The following PLXNC1 variants were observed in gnomAD, a reference collection of about 807,000 sequenced individuals.
PLXNC1 encodes the protein plexin-C1.
A neutral mutation model predicts 178.2 loss-of-function variants in PLXNC1; 75 were observed. The ratio of observed to expected loss-of-function variants is 0.42; its 90% confidence interval spans 0.35 to 0.51. The LOEUF (loss-of-function observed/expected upper bound fraction) is 0.51. Ranked by LOEUF, PLXNC1 falls within the 20% of genes least tolerant of loss-of-function variation. The pLI, the probability that PLXNC1 is intolerant of heterozygous loss-of-function variation, is 0.02. For missense variants in PLXNC1, 1,503 were observed against 1,984.4 expected (o/e 0.76, Z 4.61); for synonymous variants, 790 against 779.9 (o/e 1.01, Z -0.22).
At chr12:94,172,148 C>G (rs1471658505) in intron 2 of PLXNC1, among the ~76,000 whole-genome samples, 1 of 152,204 alleles carries the variant, frequency 6.6e-6, no homozygotes, top group African/African-American at 2.4e-5. Context: ...AGCTTGGCTC[C>G]TTAAGCCACA....
chr12:94,185,331 C>G (rs565543608), intron 3 of PLXNC1, among the ~76,000 whole-genome samples: 1 of 152,270 alleles, frequency 6.6e-6, no homozygotes, highest in East Asian at 1.9e-4. Context: ...ATAGAGAGGT[C>G]CCTTCTAGAA....
At position 94,279,667 on chromosome 12, in the gene PLXNC1, C is replaced by G. The variant is rs1416968335; in HGVS notation, c.3775+18C>G. ...TGGTCTTGGTAAGGCGGTGCGGGAG[C>G]TATGTGGTCCCAGGCCCTGATGAGT... On this transcript the variant is annotated intron_variant, in intron 22 of 30. Transcript: ENST00000258526. 3.1e-6 allele frequency: 5 copies of G among 1,611,848 alleles called. No homozygotes were observed. The South Asian group carries it at 4.4e-5, about 14-fold the overall frequency.
In PLXNC1 at chr12:94,237,671, A is replaced by G. The variant is rs757255734; in HGVS notation, c.1988A>G (p.Tyr663Cys). ...NRTNQALQVFYIKSIEPQKVS... is the reference protein window; with the variant it reads ...NRTNQALQVFCIKSIEPQKVS... Reference sequence around the variant, plus strand: ...ATCTTTTCTTTCCAATAGGTCTTCTACATTAAGTCCATTGAGCCACAGAAA... The same window carrying G: ...ATCTTTTCTTTCCAATAGGTCTTCTGCATTAAGTCCATTGAGCCACAGAAA... Residue 663 changes from tyrosine (Y) to cysteine (C), a missense_variant, in exon 10 of 31, where the codon TAC becomes TGC. By Grantham distance (194) the Tyr-to-Cys change is radical (BLOSUM62 -2). Transcript: ENST00000258526. The G allele has an allele frequency of 8.1e-6, 13 of 1,613,460 alleles. No individual in the cohort carries two copies. The South Asian group carries it at 1.1e-4, about 14-fold the overall frequency.
chr12:94,306,443 C>T lies in PLXNC1; in HGVS notation c.*1158C>T, dbSNP rs968490168. ...CTTTCTTTTTAAAGAATTCTCTATC[C>T]AGTTATACTGTAGTCTTTTTAGTGC... On this transcript the variant is annotated 3_prime_UTR_variant, in exon 31 of 31. Transcript: ENST00000258526. 10 of 152,082 alleles carry T rather than the reference C, an allele frequency of 6.6e-5. No homozygotes were observed. Among genetic ancestry groups the T allele is most frequent in the African/African-American group, 2.4e-4 (10 of 41,418 alleles). 9.4% of individuals were successfully genotyped at this position (152,082 alleles called of 1,614,324 possible). A position where few individuals can be genotyped will look rare whatever the true frequency, so the allele number is the denominator to read the frequency against.
intron 9 of PLXNC1, among the ~76,000 whole-genome samples, chr12:94,230,132 C>A (rs901755840): frequency 2.4e-4 from 37 of 152,310 alleles, no homozygotes; most frequent in African/African-American, 6.5e-4. Flanking sequence ...GCCTGGCAAC[C>A]ACTGACCTCA....
At chr12:94,236,664 G>A (rs981369373) in intron 9 of PLXNC1, among the ~76,000 whole-genome samples, 15 of 151,986 alleles carry the variant, frequency 9.9e-5, no homozygotes, top group African/African-American at 3.1e-4. Context: ...GGAAAAAAGA[G>A]TGTGAGTATG....
chr12:94,184,926 G>A (rs1231073495), intron 3 of PLXNC1, among the ~76,000 whole-genome samples: 1 of 152,144 alleles, frequency 6.6e-6, no homozygotes, highest in East Asian at 1.9e-4. Flanking sequence ...AACCCGTTTT[G>A]CTTTTTCAGT....
chr12:94,305,206 G>A lies in PLXNC1; in HGVS notation c.4628G>A (p.Arg1543Gln), dbSNP rs766577937. ...ATTCTAAATAAACTAGAAAGAGAAC[G>A]AGGGCTGGAAGAAGCTCAGAAACAA... ...DEILNKLERE[R>Q]GLEEAQKQLL... is the part of the protein sequence containing the mutation. Residue 1543 changes from arginine to glutamine, a missense_variant, in exon 31 of 31, where the codon CGA becomes CAA. Around this residue, in one of 4 missense-constraint regions of PLXNC1, gnomAD observed 639 missense variants for 979.7 expected, o/e 0.65. Transcript: ENST00000258526. 5.0e-6 allele frequency: 8 copies of A among 1,609,220 alleles called. No individual in the cohort carries two copies. The highest frequency in any genetic ancestry group is 2.2e-5 in the East Asian group (1 of 44,600).
chr12:94,159,366 G>T (rs1961291698), intron 1 of PLXNC1, among the ~76,000 whole-genome samples: 1 of 152,208 alleles, frequency 6.6e-6, no homozygotes, highest in African/African-American at 2.4e-5. Flanking sequence ...TGTAGCAGAG[G>T]CATTTGGGGG....
At chr12:94,267,608 G>T (rs1965318226) in intron 21 of PLXNC1, among the ~76,000 whole-genome samples, 2 of 152,108 alleles carry the variant, frequency 1.3e-5, no homozygotes, top group Admixed American at 6.5e-5. Context: ...GTTTTTAGGG[G>T]CCTTGCCTTT....
chr12:94,302,255 C>A (rs563710711), intron 28 of PLXNC1, among the ~76,000 whole-genome samples: 1 of 152,202 alleles, frequency 6.6e-6, no homozygotes, highest in South Asian at 2.1e-4. Flanking sequence ...CACTGTGCTA[C>A]AGCTTTTACT....
In PLXNC1 at chr12:94,227,252, G is replaced by A. The variant is rs374133802; in HGVS notation, c.1980+17G>A. Reference sequence around the variant, plus strand: ...GCTTTACAGGTCAGACCCTATTTTTGTGTGGTTGAGGGGAAAACCTGTCTT... The same window carrying A: ...GCTTTACAGGTCAGACCCTATTTTTATGTGGTTGAGGGGAAAACCTGTCTT... On this transcript the variant is annotated intron_variant, in intron 9 of 30. Transcript: ENST00000258526. The A allele has an allele frequency of 1.5e-5, 22 of 1,514,342 alleles. No individual in the cohort carries two copies. The highest frequency in any genetic ancestry group is 1.7e-5 in the Non-Finnish European group (19 of 1,089,560). 93.8% of individuals were successfully genotyped at this position (1,514,342 alleles called of 1,614,324 possible).
intron 4 of PLXNC1, among the ~76,000 whole-genome samples, chr12:94,189,924 G>A (rs1275242186): frequency 2.0e-5 from 3 of 152,136 alleles, no homozygotes; most frequent in East Asian, 1.9e-4. Context: ...TTCAAGGAAC[G>A]AAGGGAAGTG....
rs1325037720 is a variant in PLXNC1 at position 94,278,108 on chromosome 12, C to T, written c.3598-1364C>T. On this transcript the variant is annotated intron_variant, in intron 21 of 30. Transcript: ENST00000258526. The stretch of plus-strand genomic sequence containing the variant: ...CGAGCATCTTCCTTCTGTCTTCTCC[C>T]TTCCTTCTTGCCTGTTAGACTCTCC... The T allele has an allele frequency of 8.8e-6, 4 of 453,500 alleles. No homozygotes were observed. The Admixed American group carries it at 9.5e-5, about 11-fold the overall frequency. 28.1% of individuals were successfully genotyped at this position (453,500 alleles called of 1,614,324 possible). A position where few individuals can be genotyped will look rare whatever the true frequency, so the allele number is the denominator to read the frequency against.
chr12:94,300,050 G>GA (rs1968315507), intron 27 of PLXNC1, among the ~76,000 whole-genome samples: 1 of 152,200 alleles, frequency 6.6e-6, no homozygotes, highest in South Asian at 2.1e-4. Context: ...ATAATGGAAG[G>GA]ACTTTGAACC....
rs1969058178 is a variant in PLXNC1 at position 94,306,705 on chromosome 12, T to A, written c.*1420T>A. The A allele has an allele frequency of 6.6e-6, 1 of 152,188 alleles. No homozygotes were observed. Among genetic ancestry groups the A allele is most frequent in the African/African-American group, 2.4e-5 (1 of 41,448 alleles). 9.4% of individuals were successfully genotyped at this position (152,188 alleles called of 1,614,324 possible). A position where few individuals can be genotyped will look rare whatever the true frequency, so the allele number is the denominator to read the frequency against. On this transcript the variant is annotated 3_prime_UTR_variant, in exon 31 of 31. Coordinates refer to ENST00000258526, the MANE Select transcript of PLXNC1 (RefSeq NM_005761.3). ...TCATTTACCAACACTGTATGGAGCA[T>A]TAGGATTTAAATATGAATTTGTCTT...
At chr12:94,228,598 C>T (rs930710372) in intron 9 of PLXNC1, among the ~76,000 whole-genome samples, 11 of 152,250 alleles carry the variant, frequency 7.2e-5, no homozygotes, top group Non-Finnish European at 1.6e-4. Context: ...TTGGAAACCG[C>T]CATTCTAATT....
At position 94,250,483 on chromosome 12, in the gene PLXNC1, C is replaced by T. The variant is rs147856826; in HGVS notation, c.2779-943C>T. Among the ~76,000 whole-genome samples the T allele has an allele frequency of 6.6e-5, 10 of 152,204 alleles. No individual in the cohort carries two copies. The East Asian group carries it at 7.7e-4, about 12-fold the overall frequency. ...GCTGGTATGGAGAGCTTCAGCTATC[C>T]GGGTCCAAATCCATCCTCCAGCTAC... On this transcript the variant is annotated intron_variant, in intron 14 of 30. Coordinates refer to ENST00000258526, the MANE Select transcript of PLXNC1 (RefSeq NM_005761.3).
At chr12:94,253,568 A>G (rs780833947) in intron 15 of PLXNC1, among the ~76,000 whole-genome samples, 9 of 152,324 alleles carry the variant, frequency 5.9e-5, no homozygotes, top group Non-Finnish European at 7.3e-5. Context: ...CCTTTCTTAG[A>G]CATGCACAAT....
Sources: allele counts gnomAD v4.1 joint callset (sites outside exome capture counted in the v4.1 genomes callset), GRCh38; gene constraint gnomAD v4.1.1; regional missense constraint gnomAD v4.1.1; transcripts MANE v1.5; gene names NCBI Gene and HGNC (gene_info 2026-07-23, HGNC 2026-07-21).